Variants in KPNA7 observed in about 807,000 individuals in gnomAD.
The protein encoded by KPNA7 is importin subunit alpha-8.
Under a neutral mutation model 53.7 loss-of-function variants are expected in KPNA7, and 54 were observed. That is an observed-to-expected ratio of 1.01 (90% CI 0.81 to 1.26). The LOEUF is 1.26. Among genes scored for constraint, KPNA7 ranks in the 50% most tolerant of loss-of-function variants. The probability of loss-of-function intolerance (pLI) is 0.00; values close to 1 mark genes in which losing one functional copy is unlikely to be tolerated. For synonymous variants in KPNA7, 276 were observed against 259.3 expected (o/e 1.06, Z -0.62); for missense variants, 640 against 644.5 (o/e 0.99, Z 0.07).
intron 2 of KPNA7, among the ~76,000 whole-genome samples, chr7:99,205,110 A>C (rs1790732044): frequency 6.6e-6 from 1 of 151,830 alleles, no homozygotes; most frequent in Non-Finnish European, 1.5e-5. Flanking sequence ...TCATTGTTGG[A>C]ATAGGTTACT....
chr7:99,167,545 C>T, the KPNA7 span, among the ~76,000 whole-genome samples: 9,209 of 151,154 alleles, frequency 0.061, 341 homozygotes, highest in Middle Eastern at 0.12. Flanking sequence ...CTCCACCTCC[C>T]GGGTTCAAGC....
chr7:99,195,102 T>G lies in KPNA7; in HGVS notation c.521A>C (p.Glu174Ala). 1 of 1,551,650 alleles carries G rather than the reference T, an allele frequency of 6.4e-7. No individual in the cohort carries two copies. The highest frequency in any genetic ancestry group is 8.7e-7 in the Non-Finnish European group (1 of 1,146,980). ...LLSSSNVAVC[E>A]QAVWALGNIA... is the part of the protein sequence containing the mutation. The stretch of plus-strand genomic sequence containing the variant: ...ATTACCAAGAGCCCACACTGCCTGT[T>G]CACACACAGCCACGTTGGAGGAAGA... The change falls in exon 5 of 11, where the codon GAA becomes GCA. Residue 174 changes from glutamate (E) to alanine (A), a missense_variant. Coordinates refer to ENST00000327442, the MANE Select transcript of KPNA7 (RefSeq NM_001145715.3).
the KPNA7 span, among the ~76,000 whole-genome samples, chr7:99,148,346 G>C: frequency 6.6e-6 from 1 of 152,152 alleles, no homozygotes; most frequent in Non-Finnish European, 1.5e-5. Flanking sequence ...CTGAGTCAGT[G>C]TTATTGGGCA....
chr7:99,185,309 T>G, intron 7 of KPNA7, 147 bp from the exon 8 acceptor site: 2 of 642,098 alleles, frequency 3.1e-6, no homozygotes, highest in Non-Finnish European at 5.5e-6. Context: ...GTATCTGTGA[T>G]CATTATTCAA....
At chr7:99,157,938 C>A in the KPNA7 span, among the ~76,000 whole-genome samples, 1 of 151,774 alleles carries the variant, frequency 6.6e-6, no homozygotes, top group African/African-American at 2.4e-5. Flanking sequence ...CCACACCTGG[C>A]TAATTTTTTT....
At chr7:99,194,889 G>A (rs892504712) in intron 5 of KPNA7, among the ~76,000 whole-genome samples, 181 bp downstream of exon 5, 4 of 152,098 alleles carry the variant, frequency 2.6e-5, no homozygotes, top group Non-Finnish European at 4.4e-5. Flanking sequence ...ACAGACGTGA[G>A]CCACCGTGCC....
intron 1 of KPNA7, among the ~76,000 whole-genome samples, chr7:99,214,611 A>G (rs1455947478): frequency 2.8e-5 from 3 of 108,526 alleles, no homozygotes; most frequent in Admixed American, 1.0e-4. Context: ...CTGGATAACA[A>G]AGAGAGACCC....
intron 9 of KPNA7, among the ~76,000 whole-genome samples, chr7:99,181,363 T>A (rs938151908): frequency 1.3e-5 from 2 of 152,196 alleles, no homozygotes; most frequent in Non-Finnish European, 2.9e-5. Flanking sequence ...ACTCCCCTCA[T>A]ACATAATGTC....
At chr7:99,206,231 A>G (rs66931650) in intron 2 of KPNA7, among the ~76,000 whole-genome samples, 11,305 of 150,514 alleles carry the variant, frequency 0.075, 473 homozygotes, top group South Asian at 0.15. Context: ...CACAATCTCG[A>G]CTCACTGCAA....
chr7:99,169,248 G>C (rs1798728505), downstream of KPNA7, among the ~76,000 whole-genome samples: 1 of 152,184 alleles, frequency 6.6e-6, no homozygotes, highest in Non-Finnish European at 1.5e-5. Context: ...TGAGAAGGTA[G>C]GTGTAAGGAC....
downstream of KPNA7, among the ~76,000 whole-genome samples, chr7:99,169,726 T>A (rs887184130): frequency 6.6e-6 from 1 of 151,046 alleles, no homozygotes; most frequent in Non-Finnish European, 1.5e-5. Flanking sequence ...TTAGGAAAAC[T>A]AACCAGCCCA....
At chr7:99,146,524 G>A in the KPNA7 span, among the ~76,000 whole-genome samples, 1 of 151,918 alleles carries the variant, frequency 6.6e-6, no homozygotes, top group African/African-American at 2.4e-5. Context: ...GACCAGCCTG[G>A]CTAACATGGT....
chr7:99,178,397 C>A (rs922379635), intron 9 of KPNA7, among the ~76,000 whole-genome samples: 4 of 151,924 alleles, frequency 2.6e-5, no homozygotes, highest in Non-Finnish European at 4.4e-5. Context: ...GGTGAAACCT[C>A]GTCTCTACTA....
intron 7 of KPNA7, among the ~76,000 whole-genome samples, chr7:99,187,962 G>C (rs1161557051): frequency 6.6e-6 from 1 of 151,284 alleles, no homozygotes; most frequent in Non-Finnish European, 1.5e-5. Flanking sequence ...GATCACCTGA[G>C]GTCAGGAGTT....
chr7:99,213,045 T>C (rs1282155035), upstream of KPNA7, among the ~76,000 whole-genome samples: 4 of 151,874 alleles, frequency 2.6e-5, no homozygotes, highest in South Asian at 8.3e-4. Flanking sequence ...TATTTCTAGG[T>C]CTCCAAGAGT....
At chr7:99,196,270 AG>A (rs778998254) in intron 3 of KPNA7, 104 bp from the exon 4 acceptor site, 2 of 748,872 alleles carry the variant, frequency 2.7e-6, no homozygotes, top group Non-Finnish European at 4.6e-6. Context: ...TGGCTTGAAC[AG>A]GATGTCCCAT....
rs756342606 is a variant in KPNA7, at chr7:99,188,576, G to A, written c.637-13C>T. ...GCAGAAATGTGATCTGTAACAAGGA[G>A]ACTGCCTCCAGCATTGGGTGCAAAG... On this transcript the variant is annotated splice_polypyrimidine_tract_variant and intron_variant, in intron 6 of 10. Transcript: ENST00000327442. 2.3e-4 allele frequency: 357 copies of A among 1,548,002 alleles called. No homozygotes were observed. Among genetic ancestry groups the A allele is most frequent in the Admixed American group, 7.1e-4 (36 of 50,960 alleles).
In KPNA7 at chr7:99,178,043, C is replaced by T; in HGVS notation, c.1341G>A (p.Lys447=). 1 of 1,551,592 alleles carries T rather than the reference C, an allele frequency of 6.4e-7. No individual in the cohort carries two copies. Among genetic ancestry groups the T allele is most frequent in the South Asian group, 1.2e-5 (1 of 84,038 alleles). Residue 447 remains lysine, a synonymous_variant, in exon 10 of 11, where the codon AAG becomes AAA. Transcript: ENST00000327442. ...ILQAAEKRSE[K]ENLCLLIEEL... The stretch of plus-strand genomic sequence containing the variant: ...CTTCTATCAGAAGACACAGGTTTTC[C>T]TTCTCAGACCGTTTCTCTGCCGCCT...
At chr7:99,166,020 T>C in the KPNA7 span, among the ~76,000 whole-genome samples, 2 of 151,998 alleles carry the variant, frequency 1.3e-5, no homozygotes, top group South Asian at 4.2e-4. Flanking sequence ...CCCCCTTCTC[T>C]CTCTTCCTTC....
Sources: allele counts gnomAD v4.1 joint callset (sites outside exome capture counted in the v4.1 genomes callset), GRCh38; gene constraint gnomAD v4.1.1; transcripts MANE v1.5; gene names NCBI Gene and HGNC (gene_info 2026-07-23, HGNC 2026-07-21).